TNFAIP8: variants seen among roughly 807,000 people sequenced by gnomAD.
TNFAIP8 encodes the protein TNF alpha induced protein 8.
TNFAIP8 carries 7 observed loss-of-function variants against 13.3 expected under a neutral mutation model. That is an observed-to-expected ratio of 0.52 (90% CI 0.30 to 0.99). The LOEUF (loss-of-function observed/expected upper bound fraction) is 0.99. TNFAIP8 is among the 50% of genes least tolerant of loss of function. The probability of loss-of-function intolerance (pLI) is 0.07; values close to 1 mark genes in which losing one functional copy is unlikely to be tolerated. For missense variants in TNFAIP8, 258 were observed against 236.9 expected (o/e 1.09, Z -0.58); for synonymous variants, 94 against 87.6 (o/e 1.07, Z -0.41).
intron 1 of TNFAIP8, among the ~76,000 whole-genome samples, chr5:119,340,451 C>T (rs577631564): frequency 6.6e-6 from 1 of 152,346 alleles, no homozygotes; most frequent in Non-Finnish European, 1.5e-5. Context: ...GAGCTCTGAG[C>T]TCCTGAGGCC....
chr5:119,352,528 A>G (rs570545685), upstream of TNFAIP8, among the ~76,000 whole-genome samples: 42 of 152,326 alleles, frequency 2.8e-4, no homozygotes, highest in African/African-American at 9.9e-4. Flanking sequence ...TGCAGAGAAC[A>G]TATAACATTC....
At chr5:119,384,511 A>G (rs1246896671) in intron 1 of TNFAIP8, among the ~76,000 whole-genome samples, 3 of 152,136 alleles carry the variant, frequency 2.0e-5, no homozygotes, top group African/African-American at 7.2e-5. Context: ...AATAAGTAAG[A>G]TAACACAAGT....
intron 1 of TNFAIP8, among the ~76,000 whole-genome samples, chr5:119,314,088 A>T (rs1434716075): frequency 6.6e-6 from 1 of 152,166 alleles, no homozygotes; most frequent in Non-Finnish European, 1.5e-5. Flanking sequence ...AATCCCAGCT[A>T]CTTGGGTGGC....
rs992960530 is a variant in TNFAIP8, at chr5:119,393,982, T to C, written c.*601T>C. On this transcript the variant is annotated 3_prime_UTR_variant, in exon 2 of 2. Transcript: ENST00000504771. ...TGGAAATGAACTATATTAGCTATTA[T>C]GAATAATGTCCAGTATAAGAATATG... 6.6e-6 allele frequency: 1 copy of C among 152,560 alleles called. No homozygotes were observed. The highest frequency in any genetic ancestry group is 1.5e-5 in the Non-Finnish European group (1 of 68,336). The allele number at this position is 152,560 out of a possible 1,614,324, so 9.5% of individuals were successfully genotyped here. A position where few individuals can be genotyped will look rare whatever the true frequency, so the allele number is the denominator to read the frequency against.
chr5:119,355,648 T>C (rs1751365951), upstream of TNFAIP8: 6 of 446,914 alleles, frequency 1.3e-5, no homozygotes, highest in Non-Finnish European at 2.4e-5. Context: ...TTGCTATTTA[T>C]GTAAAACTAC....
chr5:119,300,829 A>G (rs569244054), intron 1 of TNFAIP8, among the ~76,000 whole-genome samples: 19 of 152,212 alleles, frequency 1.2e-4, no homozygotes, highest in Middle Eastern at 3.4e-3. Context: ...AGTTTAACCT[A>G]TGTGTTATGC....
chr5:119,371,157 G>T (rs548367959), intron 1 of TNFAIP8, among the ~76,000 whole-genome samples: 1 of 152,178 alleles, frequency 6.6e-6, no homozygotes, highest in Admixed American at 6.5e-5. Context: ...ATTTTATTTT[G>T]ATACATTAAC....
chr5:119,310,859 T>A (rs1293161769), intron 1 of TNFAIP8, among the ~76,000 whole-genome samples: 1 of 152,104 alleles, frequency 6.6e-6, no homozygotes, highest in Non-Finnish European at 1.5e-5. Flanking sequence ...AATACATTTC[T>A]CTGAGAGCAG....
At chr5:119,330,902 G>T (rs1473395275) in intron 1 of TNFAIP8, among the ~76,000 whole-genome samples, 1 of 152,170 alleles carries the variant, frequency 6.6e-6, no homozygotes, top group South Asian at 2.1e-4. Context: ...CTGGGGGTTA[G>T]GGGTTAGGGT....
Position 119,395,445 on chromosome 5 carries a change from G to A in TNFAIP8, c.*2064G>A, listed in dbSNP as rs1753050455. 6.6e-6 allele frequency: 1 copy of A among 152,240 alleles called. No homozygotes were observed. The highest frequency in any genetic ancestry group is 2.4e-5 in the African/African-American group (1 of 41,418). 9.4% of individuals were successfully genotyped at this position (152,240 alleles called of 1,614,324 possible). ...TCTTGCTCATCTGTAGCTATAGACA[G>A]GACCAACCAGAGAGAGAAAACGTAC... is the stretch of plus-strand genomic sequence containing the variant. On this transcript the variant is annotated 3_prime_UTR_variant, in exon 2 of 2. Coordinates refer to ENST00000504771, the MANE Select transcript of TNFAIP8 (RefSeq NM_014350.4).
intron 1 of TNFAIP8, among the ~76,000 whole-genome samples, chr5:119,339,320 A>ACT (rs997845900): frequency 6.6e-5 from 10 of 151,990 alleles, no homozygotes; most frequent in African/African-American, 2.4e-4. Flanking sequence ...GGTTGCCTAA[A>ACT]CTCGTCACTC....
chr5:119,356,026 G>T lies in TNFAIP8; in HGVS notation c.-65G>T, dbSNP rs1367505384. The T allele has an allele frequency of 3.9e-6, 6 of 1,547,100 alleles. No homozygotes were observed. The Middle Eastern group carries it at 5.0e-4, about 130-fold the overall frequency. ...TCGTGTGCGGATTTCGCTGCAGAGC[G>T]AACTTGCGGCTCGTCCGAGTACATG... is the stretch of plus-strand genomic sequence containing the variant. On this transcript the variant is annotated 5_prime_UTR_variant, in exon 1 of 2. Coordinates refer to ENST00000504771, the MANE Select transcript of TNFAIP8 (RefSeq NM_014350.4).
intron 1 of TNFAIP8, among the ~76,000 whole-genome samples, chr5:119,390,062 C>T (rs1752836598): frequency 6.6e-6 from 1 of 152,010 alleles, no homozygotes; most frequent in Admixed American, 6.6e-5. Flanking sequence ...CATGAAAGTC[C>T]AGTCTTGGAT....
chr5:119,274,080 T>G (rs1012354107), intron 1 of TNFAIP8, among the ~76,000 whole-genome samples: 3 of 152,168 alleles, frequency 2.0e-5, no homozygotes, highest in African/African-American at 7.2e-5. Context: ...TCAACAAAAA[T>G]AGGGGAGACA....
At chr5:119,350,655 G>T (rs1199981707) in intron 1 of TNFAIP8, among the ~76,000 whole-genome samples, 2 of 152,208 alleles carry the variant, frequency 1.3e-5, no homozygotes, top group African/African-American at 4.8e-5. Flanking sequence ...CTCTCTGTGT[G>T]TGCTCATCTC....
At chr5:119,318,999 A>G (rs1209289333) in intron 1 of TNFAIP8, among the ~76,000 whole-genome samples, 1 of 152,226 alleles carries the variant, frequency 6.6e-6, no homozygotes, top group Non-Finnish European at 1.5e-5. Flanking sequence ...TTTTGGAACA[A>G]CATACCTGTT....
At chr5:119,350,979 T>TGTAG (rs762388884) in intron 1 of TNFAIP8, among the ~76,000 whole-genome samples, 55 of 132,548 alleles carry the variant, frequency 4.1e-4, no homozygotes, top group African/African-American at 1.1e-3. Flanking sequence ...TGTGTGTGTG[T>TGTAG]AGAGAGAGGG....
intron 1 of TNFAIP8, among the ~76,000 whole-genome samples, chr5:119,332,992 G>C (rs1750430191): frequency 6.6e-6 from 1 of 151,968 alleles, no homozygotes. Context: ...AAACACCTCT[G>C]AGCAATACGT....
intron 1 of TNFAIP8, among the ~76,000 whole-genome samples, chr5:119,308,963 A>G (rs1285154797): frequency 6.6e-6 from 1 of 152,194 alleles, no homozygotes; most frequent in Non-Finnish European, 1.5e-5. Flanking sequence ...GTTATCTATC[A>G]TAGCCTGGTA....
Sources: gnomAD v4.1 joint callset for allele counts (sites outside exome capture counted in the v4.1 genomes callset) on GRCh38, gnomAD v4.1.1 for gene constraint, MANE v1.5 for transcripts, NCBI Gene and HGNC (gene_info 2026-07-23, HGNC 2026-07-21) for gene names.